CORO2B: variants seen among roughly 807,000 people sequenced by gnomAD.
CORO2B encodes coronin-2B.
CORO2B carries 26 observed loss-of-function variants against 58.8 expected under a neutral mutation model. That is an observed-to-expected ratio of 0.44 (90% confidence interval 0.32 to 0.61). The LOEUF (loss-of-function observed/expected upper bound fraction) is 0.61, where lower values mean the gene tolerates loss of function less well. Among genes scored for constraint, CORO2B ranks in the 20% least tolerant of loss-of-function variants. CORO2B has a pLI of 0.04. For missense variants in CORO2B, 460 were observed against 645.1 expected (o/e 0.71, Z 3.11); for synonymous variants, 242 against 253.8 (o/e 0.95, Z 0.44).
At chr15:68,579,409 T>C in intron 1 of CORO2B, 132 bp downstream of exon 1, 1 of 914,766 alleles carries the variant, frequency 1.1e-6, no homozygotes, top group Non-Finnish European at 1.4e-6. Context: ...CGCGCCTCTC[T>C]TGCTGCCGGA....
chr15:68,658,625 G>C (rs1408687538), intron 2 of CORO2B, among the ~76,000 whole-genome samples: 1 of 152,184 alleles, frequency 6.6e-6, no homozygotes, highest in Non-Finnish European at 1.5e-5. Context: ...CTGCTTAATG[G>C]CTCTGTGACC....
In CORO2B at chr15:68,726,011, G is replaced by A. The variant is rs199541559; in HGVS notation, c.*37G>A. Reference sequence around the variant, plus strand: ...GGCTGTTTTCTAAGCCGATCTCTCCGTCGTTTCTACTCATCCCTTAACTTC... The same window carrying A: ...GGCTGTTTTCTAAGCCGATCTCTCCATCGTTTCTACTCATCCCTTAACTTC... On this transcript the variant is annotated 3_prime_UTR_variant, in exon 12 of 12. Transcript: ENST00000261861. 1.7e-4 allele frequency: 278 copies of A among 1,608,108 alleles called. 1 individual carries two copies. The highest frequency in any genetic ancestry group is 2.1e-4 in the Non-Finnish European group (242 of 1,179,636).
At chr15:68,579,552 T>C (rs1899372698) in intron 1 of CORO2B, among the ~76,000 whole-genome samples, 2 of 152,172 alleles carry the variant, frequency 1.3e-5, no homozygotes, top group Non-Finnish European at 2.9e-5. Flanking sequence ...AACCCTTGTT[T>C]GGGATGCTGC....
At position 68,621,152 on chromosome 15, in the gene CORO2B, G is replaced by A. The variant is rs74504286; in HGVS notation, c.16-24008G>A. 9.2e-3 allele frequency among the ~76,000 whole-genome samples: 1,403 copies of A among 152,220 alleles called. 29 individuals carry two copies. Among genetic ancestry groups the A allele is most frequent in the African/African-American group, 0.032 (1,324 of 41,528 alleles). On this transcript the variant is annotated intron_variant, in intron 1 of 11. Coordinates refer to ENST00000261861, the MANE Select transcript of CORO2B (RefSeq NM_006091.5). ...CAGTGCAGGTGTAGGGACCCTCAAG[G>A]CCATAAGCAATGTAGCCACAGCGTC...
intron 3 of CORO2B, 58 bp downstream of exon 3, chr15:68,695,314 G>A: frequency 7.9e-7 from 1 of 1,271,934 alleles, no homozygotes; most frequent in South Asian, 1.2e-5. Flanking sequence ...TGCTTCCTTT[G>A]GAGGCCTCTC....
intron 1 of CORO2B, among the ~76,000 whole-genome samples, chr15:68,584,014 C>T (rs990973633): frequency 6.6e-6 from 1 of 152,214 alleles, no homozygotes; most frequent in Non-Finnish European, 1.5e-5. Context: ...TTCATTTAGC[C>T]AGCACCCTCT....
At chr15:68,596,797 C>T (rs1194020235) in intron 1 of CORO2B, among the ~76,000 whole-genome samples, 1 of 152,156 alleles carries the variant, frequency 6.6e-6, no homozygotes, top group Non-Finnish European at 1.5e-5. Context: ...GGGAGAAGAT[C>T]CAGATCCACA....
chr15:68,627,933 G>T (rs1374732272), intron 1 of CORO2B, among the ~76,000 whole-genome samples: 2 of 151,988 alleles, frequency 1.3e-5, no homozygotes, highest in Non-Finnish European at 2.9e-5. Context: ...TGCTGAGGGA[G>T]TTTACTCACT....
At chr15:68,545,365 T>C in the CORO2B span, among the ~76,000 whole-genome samples, 1 of 152,352 alleles carries the variant, frequency 6.6e-6, no homozygotes, top group African/African-American at 2.4e-5. Flanking sequence ...CCACAGTTCA[T>C]GGCCTTCATA....
intron 2 of CORO2B, among the ~76,000 whole-genome samples, chr15:68,647,338 T>C (rs1187889558): frequency 6.6e-6 from 1 of 152,160 alleles, no homozygotes; most frequent in Non-Finnish European, 1.5e-5. Context: ...ATTTGCAATA[T>C]ATAATAGACA....
intron 1 of CORO2B, among the ~76,000 whole-genome samples, chr15:68,614,663 G>A (rs1367248386): frequency 6.6e-6 from 1 of 152,182 alleles, no homozygotes; most frequent in East Asian, 1.9e-4. Context: ...GCTGGAAAGT[G>A]CCTGGGAGGA....
intron 8 of CORO2B, among the ~76,000 whole-genome samples, chr15:68,716,978 G>C (rs1893046237): frequency 1.3e-5 from 2 of 152,250 alleles, no homozygotes; most frequent in African/African-American, 2.4e-5. Flanking sequence ...TGGGACATGA[G>C]ACAACATGAT....
chr15:68,529,467 C>A, the CORO2B span, among the ~76,000 whole-genome samples: 1 of 152,126 alleles, frequency 6.6e-6, no homozygotes. Context: ...AAGTTGTACC[C>A]TTTATCAATT....
chr15:68,572,177 C>A, the CORO2B span, among the ~76,000 whole-genome samples: 1 of 152,228 alleles, frequency 6.6e-6, no homozygotes, highest in Admixed American at 6.5e-5. Context: ...AGGAGGCAAT[C>A]AGGGACTTGC....
intron 1 of CORO2B, among the ~76,000 whole-genome samples, chr15:68,623,675 C>T (rs1204894674): frequency 6.6e-6 from 1 of 152,200 alleles, no homozygotes; most frequent in Non-Finnish European, 1.5e-5. Flanking sequence ...TCCATCCCAG[C>T]ATCCAGGAGC....
At chr15:68,537,592 A>G in the CORO2B span, among the ~76,000 whole-genome samples, 1 of 151,982 alleles carries the variant, frequency 6.6e-6, no homozygotes, top group Non-Finnish European at 1.5e-5. Context: ...TCAACCCGTC[A>G]CCTAGGTATT....
At chr15:68,622,066 A>G (rs1248864167) in intron 1 of CORO2B, among the ~76,000 whole-genome samples, 2 of 152,172 alleles carry the variant, frequency 1.3e-5, no homozygotes, top group Non-Finnish European at 1.5e-5. Flanking sequence ...GTGAGCCACT[A>G]TTTGACCTTC....
chr15:68,680,138 G>T (rs1408677931), intron 2 of CORO2B, among the ~76,000 whole-genome samples: 1 of 152,134 alleles, frequency 6.6e-6, no homozygotes, highest in African/African-American at 2.4e-5. Context: ...GCCCAGCCTG[G>T]GAGCATGTGG....
At chr15:68,535,739 G>C in the CORO2B span, among the ~76,000 whole-genome samples, 2 of 152,134 alleles carry the variant, frequency 1.3e-5, no homozygotes, top group Non-Finnish European at 2.9e-5. Context: ...AGGAACCAGA[G>C]ACCAGGAATG....
Sources: gnomAD v4.1 joint callset for allele counts (sites outside exome capture counted in the v4.1 genomes callset) on GRCh38, gnomAD v4.1.1 for gene constraint, MANE v1.5 for transcripts, NCBI Gene and HGNC (gene_info 2026-07-23, HGNC 2026-07-21) for gene names.